PCDHA10: variants seen among roughly 807,000 people sequenced by gnomAD.
PCDHA10 encodes protocadherin alpha-10.
In PCDHA10, 45 loss-of-function variants were observed where a neutral mutation model predicts 61.2. The ratio of observed to expected loss-of-function variants is 0.74; its 90% CI spans 0.58 to 0.94. The LOEUF is 0.94. Ranked by LOEUF, PCDHA10 falls within the 40% of genes least tolerant of loss-of-function variation. The probability of loss-of-function intolerance (pLI) is 0.00; values close to 1 mark genes in which losing one functional copy is unlikely to be tolerated. For missense variants in PCDHA10, 1,278 were observed against 1,236.2 expected, an observed-to-expected ratio of 1.03 and a Z score of -0.51; for synonymous variants, 602 against 548.8, an observed-to-expected ratio of 1.10 and a Z score of -1.35.
Position 140,877,800 on chromosome 5 carries a change from T to G in PCDHA10, c.2388+19364T>G. 2.5e-6 allele frequency: 4 copies of G among 1,613,522 alleles called. No homozygotes were observed. In the Middle Eastern group the frequency reaches 5.0e-4, roughly 200 times the overall value. On this transcript the variant is annotated intron_variant, in intron 1 of 3. Transcript: ENST00000307360. ...ACCTCATGGCCTTCAGCCCAAGCCT[T>G]CAGCTGTCTCGAGAAGATTGTTTAA...
intron 3 of PCDHA10, among the ~76,000 whole-genome samples, chr5:140,989,263 A>G (rs2097334941): frequency 6.6e-6 from 1 of 152,146 alleles, no homozygotes; most frequent in South Asian, 2.1e-4. Flanking sequence ...GGGAGATTCA[A>G]GTTTCTGCTG....
In PCDHA10 at chr5:140,858,148, C is replaced by A; in HGVS notation, c.2100C>A (p.Ile700=). Residue 700 remains isoleucine (I), a synonymous_variant, in exon 1 of 4, where the codon ATC becomes ATA. Transcript: ENST00000307360. ...ALVDVNVYLI[I]AICAVSSLLV... is the part of the protein sequence containing the mutation. ...TGGATGTCAACGTGTACCTGATCATCGCCATCTGCGCGGTGTCCAGCTTGC... is the reference window on the plus strand; with the variant it reads ...TGGATGTCAACGTGTACCTGATCATAGCCATCTGCGCGGTGTCCAGCTTGC... 1 of 1,597,640 alleles carries A rather than the reference C, an allele frequency of 6.3e-7. No homozygotes were observed. Among genetic ancestry groups the A allele is most frequent in the Non-Finnish European group, 8.6e-7 (1 of 1,167,428 alleles).
At chr5:140,892,850 A>G (rs2063700618) in intron 1 of PCDHA10, among the ~76,000 whole-genome samples, 1 of 152,104 alleles carries the variant, frequency 6.6e-6, no homozygotes, top group Non-Finnish European at 1.5e-5. Flanking sequence ...ACCACAACCC[A>G]TTCCTCCTGT....
rs2044602345 is a variant in PCDHA10, at chr5:140,857,449, C to T, written c.1401C>T (p.Asn467=). 1 of 1,598,510 alleles carries T rather than the reference C, an allele frequency of 6.3e-7. No homozygotes were observed. Among genetic ancestry groups the T allele is most frequent in the East Asian group, 2.2e-5 (1 of 44,838 alleles). Reference sequence around the variant, plus strand: ...ACACGGTGTTCGTGAAGGAGAACAACCCGCCAGGCTGCCACATCTTCACGG... The same window carrying T: ...ACACGGTGTTCGTGAAGGAGAACAATCCGCCAGGCTGCCACATCTTCACGG... The part of the protein sequence containing the change: ...SEYTVFVKEN[N]PPGCHIFTVS... The change falls in exon 1 of 4, where the codon AAC becomes AAT. Residue 467 remains asparagine (N), a synonymous_variant. Transcript: ENST00000307360.
chr5:140,938,765 AC>A (rs1309568560), intron 1 of PCDHA10, among the ~76,000 whole-genome samples: 1 of 152,182 alleles, frequency 6.6e-6, no homozygotes, highest in Non-Finnish European at 1.5e-5. Context: ...GTTATTGGGT[AC>A]TAGACTTAGT....
chr5:140,881,587 GAAAT>G (rs2058760366), intron 1 of PCDHA10, among the ~76,000 whole-genome samples: 1 of 152,186 alleles, frequency 6.6e-6, no homozygotes, highest in Non-Finnish European at 1.5e-5. Context: ...CACATTGAGG[GAAAT>G]TTATTAATAT....
chr5:141,008,072 T>G (rs1419103459), intron 3 of PCDHA10, among the ~76,000 whole-genome samples: 3 of 152,154 alleles, frequency 2.0e-5, no homozygotes, highest in African/African-American at 7.2e-5. Context: ...TAAGAACTTA[T>G]TGGGGTTATT....
At chr5:140,932,413 A>G (rs2088287956) in intron 1 of PCDHA10, among the ~76,000 whole-genome samples, 1 of 151,930 alleles carries the variant, frequency 6.6e-6, no homozygotes, top group Admixed American at 6.6e-5. Flanking sequence ...ATGTTATATT[A>G]GTGTATTGTT....
At chr5:140,908,578 G>C (rs2074039304) in intron 1 of PCDHA10, among the ~76,000 whole-genome samples, 1 of 152,196 alleles carries the variant, frequency 6.6e-6, no homozygotes, top group South Asian at 2.1e-4. Flanking sequence ...CAAAAGGAGA[G>C]TAGTTAGCTG....
chr5:140,914,590 T>C (rs886666163), intron 1 of PCDHA10, among the ~76,000 whole-genome samples: 1 of 152,208 alleles, frequency 6.6e-6, no homozygotes, highest in African/African-American at 2.4e-5. Flanking sequence ...TTCATTTAAG[T>C]AGGAACTTCC....
In PCDHA10 at chr5:140,857,481, C is replaced by A. The variant is rs1554150087; in HGVS notation, c.1433C>A (p.Ala478Glu). 6.3e-7 allele frequency: 1 copy of A among 1,598,530 alleles called. No homozygotes were observed. Among genetic ancestry groups the A allele is most frequent in the East Asian group, 2.2e-5 (1 of 44,850 alleles). Residue 478 changes from alanine (A) to glutamate (E), a missense_variant, in exon 1 of 4, where the codon GCG becomes GAG. Physicochemically the swap from Ala to Glu is moderately radical, Grantham distance 107 (BLOSUM62 -1). Coordinates refer to ENST00000307360, the MANE Select transcript of PCDHA10 (RefSeq NM_018901.4). ...PPGCHIFTVS[A>E]WDADAQENAL... ...GGCTGCCACATCTTCACGGTGTCTGCGTGGGACGCGGACGCGCAGGAGAAC... is the reference window on the plus strand; with the variant it reads ...GGCTGCCACATCTTCACGGTGTCTGAGTGGGACGCGGACGCGCAGGAGAAC...
chr5:140,947,763 AAT>A (rs1396909113), intron 1 of PCDHA10, among the ~76,000 whole-genome samples: 1 of 151,658 alleles, frequency 6.6e-6, no homozygotes, highest in Non-Finnish European at 1.5e-5. Flanking sequence ...TGGTTTAAAA[AAT>A]TCTATTGTAA....
At chr5:140,985,086 T>C (rs564487119) in intron 3 of PCDHA10, among the ~76,000 whole-genome samples, 1 of 152,000 alleles carries the variant, frequency 6.6e-6, no homozygotes, top group Non-Finnish European at 1.5e-5. Context: ...TACAGGCGTG[T>C]GCCACCAAGC....
intron 1 of PCDHA10, among the ~76,000 whole-genome samples, chr5:140,905,476 C>A (rs904790256): frequency 6.6e-6 from 1 of 152,158 alleles, no homozygotes; most frequent in East Asian, 1.9e-4. Flanking sequence ...GTGATGCCTT[C>A]AGATTTCTTC....
At chr5:140,870,614 C>A (rs782305059) in intron 1 of PCDHA10, 1 of 1,613,212 alleles carries the variant, frequency 6.2e-7, no homozygotes, top group South Asian at 1.1e-5. Flanking sequence ...CGCGCGCTGT[C>A]GAGCTACGTG....
rs782037799 is a variant in PCDHA10 at position 140,877,180 on chromosome 5, G to A, written c.2388+18744G>A. ...CGCGCCGGCACTGCTGGCGACTCCG[G>A]CTGGCAGCGCAGGAGGCGCAGTTAG... On this transcript the variant is annotated intron_variant, in intron 1 of 3. Transcript: ENST00000307360. The A allele has an allele frequency of 1.1e-5, 18 of 1,613,692 alleles. No individual in the cohort carries two copies. In the South Asian group the frequency reaches 1.5e-4, roughly 14 times the overall value.
At position 140,858,448 on chromosome 5, in the gene PCDHA10, C is replaced by A. The variant is rs1554151646; in HGVS notation, c.2388+12C>A. The A allele has an allele frequency of 3.3e-6, 5 of 1,532,196 alleles. No homozygotes were observed. Among genetic ancestry groups the A allele is most frequent in the African/African-American group, 1.4e-5 (1 of 72,594 alleles). 94.9% of individuals were successfully genotyped at this position (1,532,196 alleles called of 1,614,324 possible). ...ACCACTCTAGGAAGGTGGGTTATTA[C>A]GTTTTCATTTTCCTTTTGTGCTTTA... On this transcript the variant is annotated intron_variant, in intron 1 of 3. Coordinates refer to ENST00000307360, the MANE Select transcript of PCDHA10 (RefSeq NM_018901.4).
At chr5:140,920,023 C>T (rs1554199365) in intron 1 of PCDHA10, among the ~76,000 whole-genome samples, 1 of 152,096 alleles carries the variant, frequency 6.6e-6, no homozygotes, top group Non-Finnish European at 1.5e-5. Flanking sequence ...AAGATGGAGA[C>T]AGAGATTGGA....
chr5:140,968,758 T>C, intron 1 of PCDHA10: 1 of 1,614,150 alleles, frequency 6.2e-7, no homozygotes, highest in South Asian at 1.1e-5. Flanking sequence ...TGGTCCGAGA[T>C]AATGGAGAGC....
Sources: gnomAD v4.1 joint callset for allele counts (sites outside exome capture counted in the v4.1 genomes callset) on GRCh38, gnomAD v4.1.1 for gene constraint, MANE v1.5 for transcripts, NCBI Gene and HGNC (gene_info 2026-07-23, HGNC 2026-07-21) for gene names.